The following COL19A1 variants were observed in gnomAD, a reference collection of about 807,000 sequenced individuals.
COL19A1 encodes the protein collagen type XIX alpha 1 chain, also known as collagen alpha-1(XIX) chain.
COL19A1 carries 159 observed loss-of-function variants against 190.2 expected under a neutral mutation model. That is an observed-to-expected ratio of 0.84 (90% CI 0.73 to 0.95). The LOEUF is 0.95. Among genes scored for constraint, COL19A1 ranks in the 40% least tolerant of loss-of-function variants. The probability of loss-of-function intolerance (pLI) is 0.00; values close to 1 mark genes in which losing one functional copy is unlikely to be tolerated. For missense variants in COL19A1, 1,418 were observed against 1,431.9 expected (o/e 0.99, Z 0.16); for synonymous variants, 509 against 458.9 (o/e 1.11, Z -1.39).
intron 16 of COL19A1, among the ~76,000 whole-genome samples, chr6:70,109,152 T>C (rs1299726377): frequency 1.3e-5 from 2 of 151,924 alleles, no homozygotes; most frequent in Non-Finnish European, 2.9e-5. Flanking sequence ...ACAATTTCGG[T>C]TTAGAGTGAG....
chr6:69,950,338 T>C (rs1177855263), intron 9 of COL19A1, among the ~76,000 whole-genome samples: 2 of 151,870 alleles, frequency 1.3e-5, no homozygotes, highest in African/African-American at 2.4e-5. Flanking sequence ...TCTTTTGTAA[T>C]TGTAATACTT....
At chr6:69,903,461 G>T (rs1770317577) in intron 4 of COL19A1, among the ~76,000 whole-genome samples, 1 of 152,148 alleles carries the variant, frequency 6.6e-6, no homozygotes, top group Non-Finnish European at 1.5e-5. Context: ...TATCCAGGGG[G>T]TTGTTACCCA....
intron 14 of COL19A1, among the ~76,000 whole-genome samples, chr6:70,044,316 G>A (rs1779792328): frequency 6.6e-6 from 1 of 152,148 alleles, no homozygotes; most frequent in African/African-American, 2.4e-5. Context: ...CTTATCATTT[G>A]TGTATTCACT....
intron 2 of COL19A1, among the ~76,000 whole-genome samples, chr6:69,891,892 T>C (rs1298540220): frequency 6.6e-6 from 1 of 152,222 alleles, no homozygotes; most frequent in African/African-American, 2.4e-5. Flanking sequence ...TCTGGATCCC[T>C]AAGATCCATT....
At chr6:70,176,411 A>G in intron 41 of COL19A1, 109 bp from the exon 42 acceptor site, 1 of 1,109,812 alleles carries the variant, frequency 9.0e-7, no homozygotes, top group Non-Finnish European at 1.3e-6. Context: ...AACACTTATC[A>G]GATCCAAAGG....
chr6:70,187,876 T>G (rs1400031097), intron 46 of COL19A1, among the ~76,000 whole-genome samples, 199 bp from the exon 47 acceptor site: 1 of 152,152 alleles, frequency 6.6e-6, no homozygotes, highest in Non-Finnish European at 1.5e-5. Context: ...TTAATTCATT[T>G]AGTTCTGAAA....
intron 2 of COL19A1, among the ~76,000 whole-genome samples, chr6:69,891,781 C>T (rs1321335855): frequency 6.6e-6 from 1 of 152,236 alleles, no homozygotes; most frequent in Non-Finnish European, 1.5e-5. Flanking sequence ...TTAATGTGGC[C>T]TTCATCCATG....
At chr6:69,921,157 GTA>G (rs1274848879) in intron 4 of COL19A1, among the ~76,000 whole-genome samples, 1 of 122,880 alleles carries the variant, frequency 8.1e-6, no homozygotes, top group Non-Finnish European at 1.6e-5. Flanking sequence ...TATGTATCAC[GTA>G]TATATTCATA....
intron 17 of COL19A1, among the ~76,000 whole-genome samples, chr6:70,122,634 T>A (rs545119717): frequency 1.9e-4 from 29 of 152,320 alleles, no homozygotes; most frequent in African/African-American, 7.0e-4. Flanking sequence ...GGATACCTTG[T>A]ATACATAATG....
At chr6:70,163,274 A>G in intron 35 of COL19A1, 69 bp from the exon 36 acceptor site, 2 of 1,419,514 alleles carry the variant, frequency 1.4e-6, no homozygotes, top group Non-Finnish European at 2.0e-6. Flanking sequence ...AGTTTTAGTA[A>G]CCAACTTCCA....
chr6:70,079,075 A>G (rs1001735554), intron 15 of COL19A1, among the ~76,000 whole-genome samples: 2 of 152,160 alleles, frequency 1.3e-5, no homozygotes, highest in African/African-American at 4.8e-5. Flanking sequence ...CAAAGAAAAG[A>G]AAACTATTCT....
intron 13 of COL19A1, among the ~76,000 whole-genome samples, chr6:70,035,277 GA>G (rs1320159972): frequency 1.3e-5 from 2 of 152,176 alleles, no homozygotes; most frequent in African/African-American, 4.8e-5. Flanking sequence ...GGAAAATAGT[GA>G]ACTTTTAGAT....
chr6:70,066,692 A>C (rs1781236840), intron 14 of COL19A1, among the ~76,000 whole-genome samples: 1 of 152,002 alleles, frequency 6.6e-6, no homozygotes, highest in Admixed American at 6.6e-5. Context: ...TGATAAGTAC[A>C]TCTGGCCTTT....
intron 15 of COL19A1, chr6:70,098,499 C>G (rs1311820385): frequency 2.0e-6 from 1 of 496,914 alleles, no homozygotes; most frequent in Non-Finnish European, 4.0e-6. Context: ...CTCATTCGAC[C>G]AGTCCTGGTA....
intron 9 of COL19A1, 119 bp from the exon 10 acceptor site, chr6:69,959,877 A>G (rs1774663686): frequency 2.7e-6 from 2 of 739,006 alleles, no homozygotes; most frequent in South Asian, 2.3e-5. Flanking sequence ...TGCATGATAG[A>G]TATTCAGTAT....
At chr6:70,031,960 A>G (rs996844965) in intron 12 of COL19A1, among the ~76,000 whole-genome samples, 9 of 152,218 alleles carry the variant, frequency 5.9e-5, no homozygotes, top group Non-Finnish European at 1.2e-4. Context: ...AAAAGCGATA[A>G]GGAAGACATT....
chr6:70,140,736 A>G (rs1487066691), intron 19 of COL19A1, among the ~76,000 whole-genome samples: 1 of 152,074 alleles, frequency 6.6e-6, no homozygotes, highest in African/African-American at 2.4e-5. Flanking sequence ...TGTTAGAATG[A>G]TTAACTCATT....
At chr6:70,107,776 C>T (rs1207031457) in intron 16 of COL19A1, among the ~76,000 whole-genome samples, 1 of 152,088 alleles carries the variant, frequency 6.6e-6, no homozygotes, top group African/African-American at 2.4e-5. Context: ...CAATAACAAC[C>T]AGGTCTAAAG....
At position 70,209,062 on chromosome 6, in the gene COL19A1, G is replaced by A. The variant is rs1224659929; in HGVS notation, c.*1788G>A. Reference sequence around the variant, plus strand: ...TTTTTTTTTTCGTTTTCTTTCTTGTGCAATACCTACAATGGTGCTGTGTTT... The same window carrying A: ...TTTTTTTTTTCGTTTTCTTTCTTGTACAATACCTACAATGGTGCTGTGTTT... On this transcript the variant is annotated 3_prime_UTR_variant, in exon 51 of 51. Transcript: ENST00000620364. 1 of 148,578 alleles carries A rather than the reference G, an allele frequency of 6.7e-6. No homozygotes were observed. The highest frequency in any genetic ancestry group is 6.7e-5 in the Admixed American group (1 of 14,858). The allele number at this position is 148,578 out of a possible 1,614,324, so 9.2% of individuals were successfully genotyped here.
Sources: allele counts gnomAD v4.1 joint callset (sites outside exome capture counted in the v4.1 genomes callset), GRCh38; gene constraint gnomAD v4.1.1; transcripts MANE v1.5; gene names NCBI Gene and HGNC (gene_info 2026-07-23, HGNC 2026-07-21).